Variants in NEMP2 observed in about 807,000 individuals in gnomAD.
The protein encoded by NEMP2 is UPF0571 transmembrane protein.
In NEMP2, 53 loss-of-function variants were observed where a neutral mutation model predicts 54.2. The observed-to-expected ratio is 0.98, with a 90% CI of 0.78 to 1.23. The LOEUF is 1.23. Among genes scored for constraint, NEMP2 ranks in the 50% most tolerant of loss-of-function variants. NEMP2 has a pLI of 0.00. For missense variants in NEMP2, 455 were observed against 511.3 expected, an observed-to-expected ratio of 0.89 and a Z score of 1.06; for synonymous variants, 197 against 190.3, an observed-to-expected ratio of 1.04 and a Z score of -0.29.
the NEMP2 span, among the ~76,000 whole-genome samples, chr2:190,631,822 C>A: frequency 6.6e-6 from 1 of 152,078 alleles, no homozygotes; most frequent in East Asian, 1.9e-4. Flanking sequence ...TTGGGAAGCC[C>A]AGGCAGGCAG....
At chr2:190,614,148 T>C in the NEMP2 span, among the ~76,000 whole-genome samples, 1 of 152,160 alleles carries the variant, frequency 6.6e-6, no homozygotes, top group African/African-American at 2.4e-5. This position sits in a 1 kb window ranked among gnomAD's most constrained non-coding sequence, Gnocchi z 5.7. Context: ...GACCTCCTTT[T>C]CCCTATCTTT....
the NEMP2 span, among the ~76,000 whole-genome samples, chr2:190,587,003 T>C: frequency 6.6e-6 from 1 of 152,188 alleles, no homozygotes. The surrounding 1 kb of genome is among the most constrained non-coding windows in gnomAD (Gnocchi z 5.4). Flanking sequence ...ATCACATAAG[T>C]TCCCACCACT....
chr2:190,614,103 G>A, the NEMP2 span, among the ~76,000 whole-genome samples: 1 of 152,034 alleles, frequency 6.6e-6, no homozygotes, highest in East Asian at 1.9e-4. This position sits in a 1 kb window ranked among gnomAD's most constrained non-coding sequence, Gnocchi z 5.7. Context: ...GACATATTAG[G>A]CATGCCAATA....
the NEMP2 span, among the ~76,000 whole-genome samples, chr2:190,470,570 C>T: frequency 2.0e-5 from 3 of 152,204 alleles, no homozygotes; most frequent in Non-Finnish European, 4.4e-5. Flanking sequence ...AGGACAAGAT[C>T]GCTGGAGTTG....
chr2:190,635,846 A>C, the NEMP2 span, among the ~76,000 whole-genome samples: 2 of 151,978 alleles, frequency 1.3e-5, no homozygotes, highest in African/African-American at 2.4e-5. The surrounding 1 kb of genome is among the most constrained non-coding windows in gnomAD (Gnocchi z 4.1). Flanking sequence ...ACCAATTTAT[A>C]CTCTTAACAG....
At chr2:190,624,704 C>G in the NEMP2 span, 2 of 152,096 alleles carry the variant, frequency 1.3e-5, no homozygotes, top group Admixed American at 1.3e-4. Context: ...ATAAGCTGAG[C>G]ACAGAAAGAC....
At chr2:190,472,668 A>G in the NEMP2 span, among the ~76,000 whole-genome samples, 2 of 152,248 alleles carry the variant, frequency 1.3e-5, no homozygotes, top group Non-Finnish European at 2.9e-5. Flanking sequence ...ACTCTGCAGG[A>G]TATTATCCAG....
chr2:190,537,759 C>T (rs1473170113), upstream of NEMP2, among the ~76,000 whole-genome samples: 2 of 152,182 alleles, frequency 1.3e-5, no homozygotes, highest in African/African-American at 4.8e-5. Context: ...AGAAATTCAA[C>T]CCAGCTGCAG....
At chr2:190,482,054 A>G in the NEMP2 span, among the ~76,000 whole-genome samples, 1 of 134,696 alleles carries the variant, frequency 7.4e-6, no homozygotes, top group Non-Finnish European at 1.6e-5. Context: ...AAAAGCAGAA[A>G]TGATAGGAGG....
chr2:190,642,729 T>C, the NEMP2 span, among the ~76,000 whole-genome samples: 2 of 152,078 alleles, frequency 1.3e-5, no homozygotes, highest in African/African-American at 4.8e-5. This position sits in a 1 kb window ranked among gnomAD's most constrained non-coding sequence, Gnocchi z 4.1. Context: ...AGTGGAAAAT[T>C]TGTTAAGTAT....
chr2:190,442,356 G>A, the NEMP2 span, among the ~76,000 whole-genome samples: 6 of 152,230 alleles, frequency 3.9e-5, no homozygotes, highest in African/African-American at 1.4e-4. Context: ...GGAAAAAACA[G>A]GAGAGACTGA....
At chr2:190,641,829 GA>G in the NEMP2 span, among the ~76,000 whole-genome samples, 50 of 152,168 alleles carry the variant, frequency 3.3e-4, no homozygotes, top group Non-Finnish European at 6.6e-4. Context: ...TAGAGTTGCG[GA>G]GTTTTAACCA....
At chr2:190,588,539 G>A in the NEMP2 span, among the ~76,000 whole-genome samples, 32 of 152,216 alleles carry the variant, frequency 2.1e-4, 1 homozygote, top group South Asian at 6.4e-3. This position sits in a 1 kb window ranked among gnomAD's most constrained non-coding sequence, Gnocchi z 5.0. Flanking sequence ...ACCTGTGGGA[G>A]GAAAAGGCAT....
chr2:190,465,714 C>T, the NEMP2 span, among the ~76,000 whole-genome samples: 147 of 152,140 alleles, frequency 9.7e-4, no homozygotes, highest in African/African-American at 3.3e-3. The surrounding 1 kb of genome is among the most constrained non-coding windows in gnomAD (Gnocchi z 4.6). Context: ...AGTTTATGGC[C>T]GGGCGTGGTG....
At chr2:190,592,946 T>G in the NEMP2 span, among the ~76,000 whole-genome samples, 1 of 152,220 alleles carries the variant, frequency 6.6e-6, no homozygotes, top group South Asian at 2.1e-4. The surrounding 1 kb of genome is among the most constrained non-coding windows in gnomAD (Gnocchi z 4.4). Flanking sequence ...TTTAGTTTCT[T>G]TTTCACAAAC....
chr2:190,453,124 G>A, the NEMP2 span, among the ~76,000 whole-genome samples: 2 of 152,090 alleles, frequency 1.3e-5, no homozygotes, highest in South Asian at 4.1e-4. Context: ...GTTAGGTTTG[G>A]TGCCTATGAC....
the NEMP2 span, among the ~76,000 whole-genome samples, chr2:190,541,113 A>T: frequency 6.6e-6 from 1 of 151,758 alleles, no homozygotes; most frequent in African/African-American, 2.4e-5. The surrounding 1 kb of genome is among the most constrained non-coding windows in gnomAD (Gnocchi z 5.2). Context: ...TTCTCTTCTG[A>T]ATTAGTCTGG....
the NEMP2 span, among the ~76,000 whole-genome samples, chr2:190,491,406 T>C: frequency 6.6e-6 from 1 of 152,132 alleles, no homozygotes; most frequent in South Asian, 2.1e-4. The surrounding 1 kb of genome is among the most constrained non-coding windows in gnomAD (Gnocchi z 4.2). Context: ...AGCATATTGC[T>C]CCTGGAGGAC....
At chr2:190,622,960 GAACA>G in the NEMP2 span, among the ~76,000 whole-genome samples, 3 of 151,762 alleles carry the variant, frequency 2.0e-5, no homozygotes, top group African/African-American at 2.4e-5. Context: ...CAAAAAACTA[GAACA>G]GACAAACCAA....
Sources: gnomAD v4.1 joint callset for allele counts (sites outside exome capture counted in the v4.1 genomes callset) on GRCh38, gnomAD v4.1.1 for gene constraint, Gnocchi (gnomAD v3.1) non-coding constraint, MANE v1.5 for transcripts, NCBI Gene and HGNC (gene_info 2026-07-23, HGNC 2026-07-21) for gene names.